TRHDE: variants seen among roughly 807,000 people sequenced by gnomAD.
TRHDE encodes thyrotropin releasing hormone degrading enzyme.
TRHDE carries 72 observed loss-of-function variants against 125.7 expected under a neutral mutation model. The ratio of observed to expected loss-of-function variants is 0.57; its 90% CI spans 0.47 to 0.70. The LOEUF (loss-of-function observed/expected upper bound fraction) is 0.70. Ranked by LOEUF, TRHDE falls within the 30% of genes least tolerant of loss-of-function variation. TRHDE has a pLI of 0.00. For synonymous variants in TRHDE, 509 were observed against 509.1 expected (o/e 1.00, Z 0.00); for missense variants, 1,110 against 1,327.1 (o/e 0.84, Z 2.54).
chr12:72,548,391 G>T (rs754771083), intron 7 of TRHDE, among the ~76,000 whole-genome samples: 19 of 151,554 alleles, frequency 1.3e-4, no homozygotes, highest in African/African-American at 3.6e-4. Context: ...GACTTACAGG[G>T]TTCTTAGTGC....
intron 17 of TRHDE, 142 bp downstream of exon 17, chr12:72,653,298 C>A: frequency 2.0e-6 from 1 of 505,208 alleles, no homozygotes; most frequent in Non-Finnish European, 3.2e-6. Flanking sequence ...TTGCCACTCC[C>A]GTGGAACTCC....
At chr12:72,102,246 G>T (rs1013716162) in intron 1 of TRHDE, among the ~76,000 whole-genome samples, 5 of 152,060 alleles carry the variant, frequency 3.3e-5, no homozygotes, top group Admixed American at 3.3e-4. Flanking sequence ...ATAATAGCAG[G>T]GCTTAGAGTA....
upstream of TRHDE, chr12:72,271,959 AGGGT>A (rs1241951048): frequency 3.9e-5 from 18 of 456,564 alleles, no homozygotes; most frequent in Admixed American, 4.2e-4. Flanking sequence ...TAAAGTGCCC[AGGGT>A]GGAGAAGGCT....
intron 6 of TRHDE, among the ~76,000 whole-genome samples, chr12:72,517,372 G>A (rs1878928261): frequency 6.6e-6 from 1 of 152,028 alleles, no homozygotes; most frequent in Non-Finnish European, 1.5e-5. Context: ...TTTAGTCTTG[G>A]GAGAGTGCAT....
At chr12:72,463,772 G>A (rs185850009) in intron 3 of TRHDE, among the ~76,000 whole-genome samples, 149 of 152,232 alleles carry the variant, frequency 9.8e-4, no homozygotes, top group African/African-American at 3.5e-3. Context: ...ACACATTTTT[G>A]TTAGTGATTA....
At chr12:72,133,258 T>C (rs1265355086) in intron 2 of TRHDE, among the ~76,000 whole-genome samples, 1 of 152,156 alleles carries the variant, frequency 6.6e-6, no homozygotes, top group East Asian at 1.9e-4. Flanking sequence ...ACAAAATTAG[T>C]GAGTCCTAGT....
At chr12:72,113,772 A>G (rs1297708465) in intron 2 of TRHDE, among the ~76,000 whole-genome samples, 1 of 152,112 alleles carries the variant, frequency 6.6e-6, no homozygotes, top group Non-Finnish European at 1.5e-5. Flanking sequence ...TTCTTATTAT[A>G]TCATAATATC....
chr12:72,543,797 GATT>G (rs57214635), intron 7 of TRHDE, among the ~76,000 whole-genome samples: 2,041 of 142,212 alleles, frequency 0.014, 21 homozygotes, highest in East Asian at 0.028. Context: ...ATTTGGAAAG[GATT>G]ATTATTATTA....
intron 3 of TRHDE, among the ~76,000 whole-genome samples, chr12:72,453,763 T>G (rs957530882): frequency 4.6e-5 from 7 of 152,172 alleles, no homozygotes; most frequent in Non-Finnish European, 1.0e-4. Context: ...GGACACTGCT[T>G]CCTGCATCCC....
chr12:72,456,208 G>A (rs183863340), intron 3 of TRHDE, among the ~76,000 whole-genome samples: 75 of 150,268 alleles, frequency 5.0e-4, no homozygotes, highest in African/African-American at 1.8e-3. Flanking sequence ...TATGTTCCTT[G>A]AGTTGGTTAG....
chr12:72,272,357 C>A (rs1431388371), upstream of TRHDE: 7 of 365,556 alleles, frequency 1.9e-5, no homozygotes, highest in Non-Finnish European at 3.2e-5. This position sits in a 1 kb window ranked among gnomAD's most constrained non-coding sequence, Gnocchi z 6.7. Context: ...GCCCCGCCGC[C>A]GGGTGCTCGT....
chr12:72,443,192 C>CTCTG (rs1555186460), intron 3 of TRHDE, among the ~76,000 whole-genome samples: 2 of 144,416 alleles, frequency 1.4e-5, no homozygotes, highest in Non-Finnish European at 3.1e-5. Context: ...TACTTCTTTC[C>CTCTG]TGTGTGTGTG....
intron 15 of TRHDE, among the ~76,000 whole-genome samples, chr12:72,649,265 T>C (rs1272022424): frequency 6.6e-6 from 1 of 151,752 alleles, no homozygotes; most frequent in Admixed American, 6.6e-5. Context: ...TCTTCAACAA[T>C]GGTGACAAAT....
At chr12:72,543,462 G>T (rs536474057) in intron 7 of TRHDE, among the ~76,000 whole-genome samples, 5 of 151,354 alleles carry the variant, frequency 3.3e-5, no homozygotes, top group African/African-American at 1.2e-4. Context: ...GAATCTATTT[G>T]CTGTATGTTA....
chr12:72,295,306 G>T (rs1207667671), intron 2 of TRHDE, among the ~76,000 whole-genome samples: 2 of 152,098 alleles, frequency 1.3e-5, no homozygotes, highest in Non-Finnish European at 2.9e-5. Context: ...GCTCTCGCGG[G>T]CTCCATGGAG....
intron 12 of TRHDE, among the ~76,000 whole-genome samples, chr12:72,579,091 G>T (rs1467665131): frequency 6.6e-6 from 1 of 150,494 alleles, no homozygotes; most frequent in Non-Finnish European, 1.5e-5. Flanking sequence ...AATCAAGATT[G>T]CAATGAGTGT....
intron 2 of TRHDE, among the ~76,000 whole-genome samples, chr12:72,235,332 C>T (rs144581840): frequency 1.3e-5 from 2 of 152,218 alleles, no homozygotes; most frequent in African/African-American, 4.8e-5. Flanking sequence ...AACTGCATGA[C>T]ATAGATATTA....
intron 2 of TRHDE, among the ~76,000 whole-genome samples, chr12:72,312,231 T>G (rs1868578786): frequency 1.3e-5 from 2 of 152,208 alleles, no homozygotes; most frequent in African/African-American, 4.8e-5. Flanking sequence ...CTGCCCATTA[T>G]GCAGCATGAT....
chr12:72,197,104 T>C (rs1369872398), intron 2 of TRHDE, among the ~76,000 whole-genome samples: 2 of 152,130 alleles, frequency 1.3e-5, no homozygotes, highest in Non-Finnish European at 2.9e-5. Context: ...CAAATGATCA[T>C]TCTTTACTCC....
Sources: gnomAD v4.1 joint callset for allele counts (sites outside exome capture counted in the v4.1 genomes callset) on GRCh38, gnomAD v4.1.1 for gene constraint, Gnocchi (gnomAD v3.1) non-coding constraint, MANE v1.5 for transcripts, NCBI Gene and HGNC (gene_info 2026-07-23, HGNC 2026-07-21) for gene names.